Variants in USP26 observed in about 807,000 individuals in gnomAD.
USP26 encodes ubiquitin specific peptidase 26.
For synonymous variants in USP26, 236 were observed against 240.6 expected (o/e 0.98, Z 0.18); for missense variants, 649 against 642.3 (o/e 1.01, Z -0.11).
chrX:133,039,884 G>C lies in USP26; in HGVS notation c.-76-11588C>G, dbSNP rs762851610. On this transcript the variant is annotated intron_variant, in intron 5 of 5. Transcript: ENST00000511190. ...ATGAATCTGGGTGCTCCTGTATCGG[G>C]TGCATATACATTTAGGATAGTTAGT... Among the ~76,000 whole-genome samples, 4 of 111,602 alleles carry C rather than the reference G, an allele frequency of 3.6e-5. No homozygotes were observed. The Admixed American group carries it at 3.8e-4, about 11-fold the overall frequency.
At chrX:133,059,098 C>G (rs1602980553) in intron 5 of USP26, among the ~76,000 whole-genome samples, 4 of 111,701 alleles carry the variant, frequency 3.6e-5, no homozygotes, top group African/African-American at 1.3e-4. Context: ...ACAGTGTGAG[C>G]CACTGTGCCC....
chrX:133,045,211 T>C (rs1377421649), intron 5 of USP26, among the ~76,000 whole-genome samples: 1 of 112,072 alleles, frequency 8.9e-6, no homozygotes, highest in Non-Finnish European at 1.9e-5. Context: ...TCAGGGTTTG[T>C]AAATACACCA....
At chrX:133,031,410 C>T (rs2067375978) in intron 5 of USP26, among the ~76,000 whole-genome samples, 1 of 111,904 alleles carries the variant, frequency 8.9e-6, no homozygotes, top group South Asian at 3.7e-4. Context: ...TTAAACAAAT[C>T]GGGAAATGAT....
chrX:133,090,907 G>T (rs1483111471), intron 2 of USP26, 144 bp from the exon 3 acceptor site: 1 of 112,288 alleles, frequency 8.9e-6, no homozygotes, highest in Non-Finnish European at 1.9e-5. Context: ...GGAAACACAA[G>T]GCTTAGGGAG....
At position 133,026,142 on chromosome X, in the gene USP26, G is replaced by A. The variant is rs373050156; in HGVS notation, c.2079C>T (p.Pro693=). ...PLSKVDFQTV[P]ENPKRKKYVK... is the part of the protein sequence containing the mutation. ...CATATTTCTTTCGTTTTGGATTTTC[G>A]GGCACTGTTTGAAAGTCAACTTTTG... is the stretch of plus-strand genomic sequence containing the variant. The change falls in exon 6 of 6, where the codon CCC becomes CCT. Residue 693 remains proline (P), a synonymous_variant. Transcript: ENST00000511190. 4.1e-5 allele frequency: 50 copies of A among 1,207,981 alleles called. No individual in the cohort carries two copies. The highest frequency in any genetic ancestry group is 1.5e-4 in the Admixed American group (7 of 45,370).
intron 5 of USP26, among the ~76,000 whole-genome samples, chrX:133,035,988 G>A (rs868665952): frequency 5.4e-5 from 6 of 110,883 alleles, no homozygotes; most frequent in South Asian, 7.7e-4. Context: ...GTAAGACCCC[G>A]TCTCTACAAA....
intron 5 of USP26, among the ~76,000 whole-genome samples, chrX:133,082,663 C>A (rs1186774600): frequency 9.0e-6 from 1 of 111,694 alleles, no homozygotes; most frequent in Non-Finnish European, 1.9e-5. Context: ...GGTTTGTATA[C>A]CCAATGAGTA....
intron 1 of USP26, among the ~76,000 whole-genome samples, chrX:133,093,495 G>A (rs1269490141): frequency 9.1e-6 from 1 of 110,116 alleles, no homozygotes; most frequent in African/African-American, 3.3e-5. Context: ...AGCCAGGCAT[G>A]GTGGCACATG....
intron 5 of USP26, among the ~76,000 whole-genome samples, chrX:133,065,523 C>A (rs1377642467): frequency 8.9e-6 from 1 of 111,820 alleles, no homozygotes; most frequent in Non-Finnish European, 1.9e-5. Flanking sequence ...AAAAGCTTAT[C>A]CACCATGATC....
chrX:133,052,164 A>G (rs1298570604), intron 5 of USP26, among the ~76,000 whole-genome samples: 1 of 112,466 alleles, frequency 8.9e-6, no homozygotes, highest in Non-Finnish European at 1.9e-5. Context: ...TTATGGATGT[A>G]GTCCAAAGTC....
intron 5 of USP26, among the ~76,000 whole-genome samples, chrX:133,075,758 G>C (rs931896791): frequency 8.9e-5 from 10 of 111,883 alleles, no homozygotes; most frequent in African/African-American, 3.2e-4. Context: ...AGATGCAGAG[G>C]TGTTGTGTTT....
At position 133,026,708 on chromosome X, in the gene USP26, C is replaced by A. The variant is rs757275587; in HGVS notation, c.1513G>T (p.Val505Phe). The A allele has an allele frequency of 4.3e-5, 52 of 1,208,089 alleles. No individual in the cohort carries two copies. The highest frequency in any genetic ancestry group is 5.8e-5 in the Non-Finnish European group (52 of 894,559). Residue 505 changes from valine to phenylalanine, a missense_variant, in exon 6 of 6, where the codon GTT becomes TTT. Physicochemically the swap from Val to Phe is conservative, Grantham distance 50. Transcript: ENST00000511190. ...KCAKCEHKTS[V>F]GVHSFSRLPR... is the part of the protein sequence containing the mutation. ...AGCCTACTGAATGAGTGCACTCCAA[C>A]GGAAGTCTTGTGCTCACATTTTGCA...
At chrX:133,030,274 A>C (rs1231325469) in intron 5 of USP26, among the ~76,000 whole-genome samples, 1 of 111,374 alleles carries the variant, frequency 9.0e-6, no homozygotes, top group African/African-American at 3.3e-5. Context: ...GACACTCACA[A>C]AACTGTACCA....
At chrX:133,031,281 G>A (rs776220034) in intron 5 of USP26, among the ~76,000 whole-genome samples, 1 of 111,368 alleles carries the variant, frequency 9.0e-6, no homozygotes, top group African/African-American at 3.3e-5. Flanking sequence ...ACCATTTCTG[G>A]GTATCTCCAA....
At chrX:133,054,882 G>C (rs2067470432) in intron 5 of USP26, among the ~76,000 whole-genome samples, 1 of 112,224 alleles carries the variant, frequency 8.9e-6, no homozygotes, top group Non-Finnish European at 1.9e-5. Flanking sequence ...CTGCAGTGTT[G>C]ACAGTAAAAT....
chrX:133,042,062 T>A (rs937809197), intron 5 of USP26, among the ~76,000 whole-genome samples: 2 of 111,763 alleles, frequency 1.8e-5, no homozygotes, highest in Admixed American at 1.9e-4. Context: ...CCTCCCCACA[T>A]CAAGCCCGAT....
At chrX:133,070,218 A>G (rs2067526300) in intron 5 of USP26, among the ~76,000 whole-genome samples, 1 of 112,228 alleles carries the variant, frequency 8.9e-6, no homozygotes, top group Admixed American at 9.5e-5. Flanking sequence ...ATTGGAGAGA[A>G]GGCTGTTGAT....
chrX:133,090,308 T>A (rs1329104438), intron 3 of USP26, 82 bp from the exon 4 acceptor site: 1 of 111,709 alleles, frequency 9.0e-6, no homozygotes, highest in Non-Finnish European at 1.9e-5. Context: ...TCAAAAGCAA[T>A]CCAAGAGGAA....
intron 5 of USP26, among the ~76,000 whole-genome samples, chrX:133,075,850 T>C (rs192436963): frequency 8.9e-6 from 1 of 111,850 alleles, no homozygotes; most frequent in East Asian, 2.8e-4. Flanking sequence ...TCTAGCTTAA[T>C]AGGAAATCCA....
Sources: allele counts gnomAD v4.1 joint callset (sites outside exome capture counted in the v4.1 genomes callset), GRCh38; gene constraint gnomAD v4.1.1; transcripts MANE v1.5; gene names NCBI Gene and HGNC (gene_info 2026-07-23, HGNC 2026-07-21).